ZXDC: variants seen among roughly 807,000 people sequenced by gnomAD.
ZXDC encodes the protein ZXD family zinc finger C.
Under a neutral mutation model 63.6 loss-of-function variants are expected in ZXDC, and 58 were observed. That is an observed-to-expected ratio of 0.91 (90% confidence interval 0.74 to 1.13). The LOEUF (loss-of-function observed/expected upper bound fraction) is 1.13. Among genes scored for constraint, ZXDC ranks in the 50% most tolerant of loss-of-function variants. ZXDC has a pLI of 0.00. For missense variants in ZXDC, 1,133 were observed against 1,148.9 expected, an observed-to-expected ratio of 0.99 and a Z score of 0.20; for synonymous variants, 561 against 496.1, an observed-to-expected ratio of 1.13 and a Z score of -1.74.
intron 7 of ZXDC, among the ~76,000 whole-genome samples, chr3:126,452,712 A>G (rs1299751975): frequency 1.3e-5 from 2 of 150,904 alleles, no homozygotes; most frequent in African/African-American, 4.9e-5. Context: ...ATTTCCATCT[A>G]TCTTCGTAAG....
intron 4 of ZXDC, among the ~76,000 whole-genome samples, chr3:126,470,334 G>A (rs1576691192): frequency 6.6e-6 from 1 of 152,130 alleles, no homozygotes; most frequent in Non-Finnish European, 1.5e-5. Context: ...AAGCGTGGTG[G>A]CATACGCCTG....
intron 5 of ZXDC, among the ~76,000 whole-genome samples, chr3:126,465,534 C>T (rs1043468421): frequency 6.6e-6 from 1 of 152,172 alleles, no homozygotes; most frequent in Non-Finnish European, 1.5e-5. Flanking sequence ...CTGAGGCAGA[C>T]GGAAACACAG....
intron 7 of ZXDC, chr3:126,451,942 G>C: frequency 1.0e-6 from 1 of 985,456 alleles, no homozygotes; most frequent in Non-Finnish European, 1.2e-6. Context: ...ACGACAAAAA[G>C]AACAAGGGCA....
At chr3:126,451,048 ACTC>A in intron 7 of ZXDC, 3 of 764,356 alleles carry the variant, frequency 3.9e-6, no homozygotes, top group Non-Finnish European at 4.8e-6. Flanking sequence ...ACTCAAGGCC[ACTC>A]CTCATCACCA....
chr3:126,467,135 G>A (rs528909139), intron 4 of ZXDC, among the ~76,000 whole-genome samples: 5 of 152,228 alleles, frequency 3.3e-5, no homozygotes, highest in Non-Finnish European at 7.4e-5. Context: ...CACCTCCCGA[G>A]AAGGCAGAAA....
rs1934040449 is a variant in ZXDC at position 126,450,136 on chromosome 3, CA to C, written c.2213-8191del. On this transcript the variant is annotated intron_variant, in intron 7 of 9. Transcript: ENST00000389709. ...TCTAGGAAGTGATGTCCAGAGTCTG[CA>C]AGGGGTCTGAGACCCTCACAGGAAG... The C allele has an allele frequency of 1.1e-5, 4 of 354,112 alleles. 1 individual carries two copies. Among genetic ancestry groups the C allele is most frequent in the Middle Eastern group, 1.3e-3 (2 of 1,594 alleles). The allele number at this position is 354,112 out of a possible 1,614,324, so 21.9% of individuals were successfully genotyped here.
chr3:126,466,036 C>G, intron 5 of ZXDC, 119 bp downstream of exon 5: 1 of 1,242,182 alleles, frequency 8.1e-7, no homozygotes, highest in South Asian at 1.5e-5. Context: ...TTGGCAGCCA[C>G]GCCCACAACC....
intron 3 of ZXDC, 149 bp from the exon 4 acceptor site, chr3:126,471,174 T>A: frequency 8.2e-7 from 1 of 1,219,952 alleles, no homozygotes; most frequent in South Asian, 1.6e-5. Context: ...CTTTAATCCA[T>A]GTGAGCAGAT....
intron 7 of ZXDC, among the ~76,000 whole-genome samples, chr3:126,450,052 C>T (rs1227702931): frequency 6.6e-6 from 1 of 152,184 alleles, no homozygotes; most frequent in Non-Finnish European, 1.5e-5. Context: ...TTCTACCTTT[C>T]CCTGAGACAG....
In ZXDC at chr3:126,455,979, G is replaced by A. The variant is rs1410589998; in HGVS notation, c.2212+3674C>T. ...CGCGCCACTGCTCTCCAGCCGGGGC[G>A]ACAGAGCAAGACTCCATCTCAAAAA... On this transcript the variant is annotated intron_variant, in intron 7 of 9. Transcript: ENST00000389709. Among the ~76,000 whole-genome samples the A allele has an allele frequency of 4.0e-5, 6 of 150,954 alleles. No homozygotes were observed. In the South Asian group the frequency reaches 6.3e-4, roughly 16 times the overall value.
Position 126,438,047 on chromosome 3 carries a change from T to C in ZXDC, c.*328A>G. On this transcript the variant is annotated 3_prime_UTR_variant, in exon 10 of 10. Coordinates refer to ENST00000389709, the MANE Select transcript of ZXDC (RefSeq NM_025112.5). ...CTCTACCCTATTTCCTGCAGAAGTC[T>C]TTTTCTTTGTAATGCAACAAGTGCT... 3.1e-6 allele frequency: 1 copy of C among 325,316 alleles called. No individual in the cohort carries two copies. The highest frequency in any genetic ancestry group is 2.2e-5 in the African/African-American group (1 of 46,162). The allele number at this position is 325,316 out of a possible 1,614,324, so 20.2% of individuals were successfully genotyped here.
At chr3:126,460,062 C>T in intron 6 of ZXDC, 2 of 985,420 alleles carry the variant, frequency 2.0e-6, no homozygotes, top group Non-Finnish European at 2.4e-6. Flanking sequence ...AACACCGAGC[C>T]TTGCCTGGGT....
At chr3:126,467,128 C>T (rs189231161) in intron 4 of ZXDC, among the ~76,000 whole-genome samples, 28 of 152,230 alleles carry the variant, frequency 1.8e-4, no homozygotes, top group Admixed American at 1.5e-3. Context: ...AACCACACAC[C>T]TCCCGAGAAG....
chr3:126,466,288 G>A lies in ZXDC; in HGVS notation c.1308C>T (p.Tyr436=). The A allele has an allele frequency of 1.9e-6, 3 of 1,614,198 alleles. No homozygotes were observed. Among genetic ancestry groups the A allele is most frequent in the Non-Finnish European group, 2.5e-6 (3 of 1,180,046 alleles). The change falls in exon 5 of 10, where the codon TAC becomes TAT. Residue 436 remains tyrosine (Y), a synonymous_variant. Transcript: ENST00000389709. ...CARFSARSSL[Y]IHSKKHVQDV... ...CCTGCACGTGTTTCTTAGAGTGAAT[G>A]TACAGACTGCTACGAGCGGAGAACC...
rs201583972 is a variant in ZXDC at position 126,461,722 on chromosome 3, C to T, written c.1940G>A (p.Arg647Gln). 1.8e-3 allele frequency: 2,845 copies of T among 1,613,900 alleles called. 9 individuals carry two copies. Among genetic ancestry groups the T allele is most frequent in the Non-Finnish European group, 2.1e-3 (2,438 of 1,179,980 alleles). Residue 647 changes from arginine (R) to glutamine (Q), a missense_variant, in exon 6 of 10, where the codon CGA becomes CAA. Coordinates refer to ENST00000389709, the MANE Select transcript of ZXDC (RefSeq NM_025112.5). ...CAGTTCCGGGACACTGGCATTTTCT[C>T]GGGGGGTGCTCGAAGAGGTCGGTGT... Reference protein sequence around the residue: ...ITTPTSSSTPRENASVPELLA... With the variant: ...ITTPTSSSTPQENASVPELLA...
intron 2 of ZXDC, 40 bp from the exon 3 acceptor site, chr3:126,472,091 T>TC: frequency 6.2e-7 from 1 of 1,609,744 alleles, no homozygotes; most frequent in Non-Finnish European, 8.5e-7. Flanking sequence ...AATTTACAAC[T>TC]CCAACAGCTA....
At chr3:126,467,086 T>C (rs1288289396) in intron 4 of ZXDC, among the ~76,000 whole-genome samples, 1 of 152,054 alleles carries the variant, frequency 6.6e-6, no homozygotes, top group Non-Finnish European at 1.5e-5. Context: ...AGGAAGTCAG[T>C]GCCAACACTG....
chr3:126,466,420 GC>G, intron 4 of ZXDC, 95 bp from the exon 5 acceptor site: 1 of 1,409,282 alleles, frequency 7.1e-7, no homozygotes, highest in African/African-American at 1.4e-5. Flanking sequence ...CACCAGACCT[GC>G]ATTTTGCACC....
At chr3:126,464,805 C>T (rs1449521262) in intron 5 of ZXDC, among the ~76,000 whole-genome samples, 1 of 152,168 alleles carries the variant, frequency 6.6e-6, no homozygotes, top group Non-Finnish European at 1.5e-5. Flanking sequence ...CACCCTCCAA[C>T]ATGAATCAGG....
Sources: allele counts gnomAD v4.1 joint callset (sites outside exome capture counted in the v4.1 genomes callset), GRCh38; gene constraint gnomAD v4.1.1; transcripts MANE v1.5; gene names NCBI Gene and HGNC (gene_info 2026-07-23, HGNC 2026-07-21).